NMNAT3: variants seen among roughly 807,000 people sequenced by gnomAD.
The protein encoded by NMNAT3 is nicotinamide/nicotinic acid mononucleotide adenylyltransferase 3.
A neutral mutation model predicts 24.8 loss-of-function variants in NMNAT3; 21 were observed. The ratio of observed to expected loss-of-function variants is 0.85; its 90% CI spans 0.60 to 1.22. The LOEUF (loss-of-function observed/expected upper bound fraction) is 1.22. NMNAT3 is among the 50% of genes most tolerant of loss of function. The pLI is 0.00. For missense variants in NMNAT3, 387 were observed against 436.6 expected (o/e 0.89, Z 1.01); for synonymous variants, 136 against 155.2 (o/e 0.88, Z 0.92).
intron 3 of NMNAT3, among the ~76,000 whole-genome samples, chr3:139,611,727 G>T (rs2055224880): frequency 6.6e-6 from 1 of 152,244 alleles, no homozygotes; most frequent in South Asian, 2.1e-4. Context: ...CTTTGTGTTG[G>T]CAGGCTGCCA....
At chr3:139,642,726 G>C (rs1044231142) in intron 1 of NMNAT3, among the ~76,000 whole-genome samples, 1 of 152,094 alleles carries the variant, frequency 6.6e-6, no homozygotes, top group Admixed American at 6.5e-5. Flanking sequence ...CATTCTTGAT[G>C]GCTCCACAGT....
chr3:139,669,478 G>GAAAAAAA (rs61403161), intron 1 of NMNAT3, among the ~76,000 whole-genome samples: 2 of 59,320 alleles, frequency 3.4e-5, no homozygotes, highest in African/African-American at 8.2e-5. Flanking sequence ...CCCTGTCTCA[G>GAAAAAAA]AAAAAAAAAA....
At chr3:139,571,908 C>T (rs1475699126) in intron 6 of NMNAT3, among the ~76,000 whole-genome samples, 1 of 152,214 alleles carries the variant, frequency 6.6e-6, no homozygotes, top group Non-Finnish European at 1.5e-5. Flanking sequence ...TCTGGCTGCC[C>T]CTGCCTCTCA....
intron 3 of NMNAT3, among the ~76,000 whole-genome samples, chr3:139,591,723 A>C (rs907352729): frequency 3.3e-4 from 50 of 152,256 alleles, no homozygotes; most frequent in African/African-American, 5.1e-4. Flanking sequence ...ACACCTCACA[A>C]GGCCGGGTAC....
chr3:139,654,037 A>C (rs113862262), intron 1 of NMNAT3, among the ~76,000 whole-genome samples: 170 of 152,278 alleles, frequency 1.1e-3, no homozygotes, highest in African/African-American at 4.0e-3. Context: ...GAGCACACAC[A>C]GTCTTACACT....
intron 1 of NMNAT3, among the ~76,000 whole-genome samples, chr3:139,671,616 T>TCACA (rs779552678): frequency 2.7e-4 from 37 of 135,550 alleles, no homozygotes; most frequent in Admixed American, 1.3e-3. Context: ...TCTCTCTCTC[T>TCACA]CTCACACACA....
intron 1 of NMNAT3, among the ~76,000 whole-genome samples, chr3:139,671,127 A>G (rs759533141): frequency 6.6e-6 from 1 of 152,232 alleles, no homozygotes; most frequent in African/African-American, 2.4e-5. Flanking sequence ...TAGTTATAGG[A>G]ATAATAAAAT....
chr3:139,606,852 C>T (rs779157514), intron 3 of NMNAT3, among the ~76,000 whole-genome samples: 9 of 151,982 alleles, frequency 5.9e-5, no homozygotes, highest in Non-Finnish European at 1.3e-4. Flanking sequence ...GTATTTTGTT[C>T]CTCAAATTAT....
intron 3 of NMNAT3, among the ~76,000 whole-genome samples, chr3:139,604,818 T>C (rs74385693): frequency 0.055 from 8,380 of 152,280 alleles, 314 homozygotes; most frequent in Non-Finnish European, 0.087. Context: ...TGCTGATTTT[T>C]AAGCCTAGTC....
intron 1 of NMNAT3, among the ~76,000 whole-genome samples, chr3:139,671,453 T>C (rs2057753939): frequency 6.6e-6 from 1 of 152,316 alleles, no homozygotes; most frequent in Non-Finnish European, 1.5e-5. Flanking sequence ...CTTTCTAATT[T>C]TCAGATTATT....
At chr3:139,595,503 G>T (rs1478129888) in intron 3 of NMNAT3, among the ~76,000 whole-genome samples, 1 of 152,192 alleles carries the variant, frequency 6.6e-6, no homozygotes, top group Admixed American at 6.5e-5. Context: ...GCATTGCGAA[G>T]TCAATCCTAA....
intron 3 of NMNAT3, among the ~76,000 whole-genome samples, chr3:139,595,658 A>G (rs1036065365): frequency 6.6e-6 from 1 of 152,182 alleles, no homozygotes; most frequent in Non-Finnish European, 1.5e-5. Flanking sequence ...ATAACGCCGC[A>G]TATCTACAAC....
chr3:139,582,910 A>T lies in NMNAT3; in HGVS notation c.391+17T>A. The T allele has an allele frequency of 2.1e-6, 3 of 1,402,786 alleles. No individual in the cohort carries two copies. The South Asian group carries it at 5.2e-5, about 25-fold the overall frequency. The allele number at this position is 1,402,786 out of a possible 1,614,324, so 86.9% of individuals were successfully genotyped here. ...GGAGGGAGGAGCAGTCCAAAAAAAT[A>T]TATATATATTTTTTACCTTGAAGTC... On this transcript the variant is annotated intron_variant, in intron 4 of 6. Transcript: ENST00000643695.
Position 139,595,010 on chromosome 3 carries a change from G to A in NMNAT3, c.110-11802C>T, listed in dbSNP as rs1373178092. Among the ~76,000 whole-genome samples the A allele has an allele frequency of 2.0e-5, 3 of 151,896 alleles. No homozygotes were observed. The Admixed American group carries it at 2.0e-4, about 10-fold the overall frequency. ...TAAAGGGTATTCAATTAGGAAAAGAGGAAGTCAAATTGTCCCTGTTTGCAG... is the reference window on the plus strand; with the variant it reads ...TAAAGGGTATTCAATTAGGAAAAGAAGAAGTCAAATTGTCCCTGTTTGCAG... On this transcript the variant is annotated intron_variant, in intron 3 of 6. Coordinates refer to ENST00000643695, the MANE Select transcript of NMNAT3 (RefSeq NM_001320510.2).
At chr3:139,666,573 C>T (rs1171085633) in intron 1 of NMNAT3, among the ~76,000 whole-genome samples, 2 of 152,140 alleles carry the variant, frequency 1.3e-5, no homozygotes, top group African/African-American at 4.8e-5. Flanking sequence ...CAAATATTTA[C>T]CATCTTTATG....
rs367560602 is a variant in NMNAT3, at chr3:139,561,118, G to A, written c.933C>T (p.Tyr311=). Residue 311 remains tyrosine, a synonymous_variant, in exon 7 of 7, where the codon TAC becomes TAT. Transcript: ENST00000643695. ...ACGTGATGACAGCATCGGGAATCAGGTACTTTACGCTCTGCCCTTGGCCCA... is the reference window on the plus strand; with the variant it reads ...ACGTGATGACAGCATCGGGAATCAGATACTTTACGCTCTGCCCTTGGCCCA... The A allele has an allele frequency of 1.1e-5, 18 of 1,613,998 alleles. No individual in the cohort carries two copies. In the South Asian group the frequency reaches 1.8e-4, roughly 16 times the overall value.
At chr3:139,664,060 T>C (rs1408675196) in intron 1 of NMNAT3, among the ~76,000 whole-genome samples, 1 of 152,218 alleles carries the variant, frequency 6.6e-6, no homozygotes, top group Non-Finnish European at 1.5e-5. Flanking sequence ...AATCAGACAG[T>C]AAACATATAG....
At chr3:139,603,625 G>A (rs6768766) in intron 3 of NMNAT3, among the ~76,000 whole-genome samples, 69,940 of 151,768 alleles carry the variant, frequency 0.46, 17,652 homozygotes, top group Middle Eastern at 0.64. Context: ...CGTGCCCAGC[G>A]AGACAACTGC....
At chr3:139,621,203 A>T (rs2055755828) in intron 3 of NMNAT3, among the ~76,000 whole-genome samples, 1 of 152,172 alleles carries the variant, frequency 6.6e-6, no homozygotes, top group Non-Finnish European at 1.5e-5. Context: ...GGTATAATCA[A>T]TTTTTAATTT....
Sources: gnomAD v4.1 joint callset for allele counts (sites outside exome capture counted in the v4.1 genomes callset) on GRCh38, gnomAD v4.1.1 for gene constraint, MANE v1.5 for transcripts, NCBI Gene and HGNC (gene_info 2026-07-23, HGNC 2026-07-21) for gene names.